The following REV1 variants were observed in gnomAD, a reference collection of about 807,000 sequenced individuals.
REV1 encodes translesion synthesis protein REV1.
A neutral mutation model predicts 137.4 loss-of-function variants in REV1; 42 were observed. The observed-to-expected ratio is 0.31, with a 90% CI of 0.24 to 0.40. The LOEUF is 0.40. Ranked by LOEUF, REV1 falls within the 10% of genes least tolerant of loss-of-function variation. REV1 has a pLI of 1.00. For missense variants in REV1, 1,282 were observed against 1,490.1 expected (o/e 0.86, Z 2.30); for synonymous variants, 524 against 519.2 (o/e 1.01, Z -0.12).
chr2:99,415,476 A>AG (rs887019782), intron 12 of REV1, among the ~76,000 whole-genome samples: 1 of 152,192 alleles, frequency 6.6e-6, no homozygotes, highest in Non-Finnish European at 1.5e-5. Context: ...GACATAGAGG[A>AG]GTAAACTTCA....
chr2:99,442,299 C>G lies in REV1; in HGVS notation c.503+18G>C, dbSNP rs1575115990. 17 of 1,545,380 alleles carry G rather than the reference C, an allele frequency of 1.1e-5. No individual in the cohort carries two copies. The highest frequency in any genetic ancestry group is 7.0e-5 in the African/African-American group (5 of 71,164). ...AAACCAACCAGCTTTGCAGTAATCC[C>G]CAACTAGACAAACTTACACCCTGTT... On this transcript the variant is annotated intron_variant, in intron 5 of 22. Transcript: ENST00000258428.
At chr2:99,406,964 C>CAGAAAT (rs1559285660) in intron 15 of REV1, 2 of 151,334 alleles carry the variant, frequency 1.3e-5, no homozygotes, top group African/African-American at 2.4e-5. Context: ...AACAGTATTT[C>CAGAAAT]AGGGAGAAAT....
chr2:99,440,264 C>T (rs915168512), intron 5 of REV1, among the ~76,000 whole-genome samples: 1 of 152,184 alleles, frequency 6.6e-6, no homozygotes, highest in Non-Finnish European at 1.5e-5. Context: ...AATTACAAAG[C>T]AGTAATTCAT....
intron 4 of REV1, among the ~76,000 whole-genome samples, chr2:99,443,848 CT>C (rs368655067): frequency 1.3e-3 from 188 of 147,422 alleles, no homozygotes; most frequent in African/African-American, 2.5e-3. Context: ...ACTTTTCTTC[CT>C]TTTTTTTTTT....
chr2:99,467,732 T>C (rs892290275), intron 1 of REV1, among the ~76,000 whole-genome samples: 4 of 152,228 alleles, frequency 2.6e-5, no homozygotes, highest in Admixed American at 6.5e-5. Flanking sequence ...ATTCATTATT[T>C]CAATCTCTGA....
intron 12 of REV1, among the ~76,000 whole-genome samples, chr2:99,415,091 G>A (rs1379394990): frequency 6.6e-6 from 1 of 152,280 alleles, no homozygotes; most frequent in East Asian, 1.9e-4. Flanking sequence ...GGCAGGGCAT[G>A]TGGTGTACCT....
At chr2:99,439,696 A>G (rs1160503344) in intron 5 of REV1, among the ~76,000 whole-genome samples, 1 of 152,238 alleles carries the variant, frequency 6.6e-6, no homozygotes, top group Non-Finnish European at 1.5e-5. Context: ...TAAAAAATTA[A>G]TTGGAATCTA....
chr2:99,449,268 A>T, intron 4 of REV1, 68 bp downstream of exon 4: 3 of 1,037,366 alleles, frequency 2.9e-6, no homozygotes, highest in African/African-American at 1.7e-5. Context: ...CTATCTCAAA[A>T]AAATAAATAA....
At chr2:99,458,339 G>C (rs1236183443) in intron 3 of REV1, among the ~76,000 whole-genome samples, 1 of 152,132 alleles carries the variant, frequency 6.6e-6, no homozygotes, top group African/African-American at 2.4e-5. Context: ...ACACATGAAA[G>C]AATGTTCAAC....
At chr2:99,403,160 G>T in intron 19 of REV1, 54 bp from the exon 20 acceptor site, 1 of 1,390,744 alleles carries the variant, frequency 7.2e-7, no homozygotes, top group Non-Finnish European at 9.7e-7. Flanking sequence ...GGATAGTCTG[G>T]ATGACAGTAT....
At chr2:99,439,371 T>C (rs1436131569) in intron 5 of REV1, 61 bp from the exon 6 acceptor site, 3 of 1,177,930 alleles carry the variant, frequency 2.5e-6, no homozygotes, top group Non-Finnish European at 2.4e-6. Flanking sequence ...AACAATTTTT[T>C]CATTTCATCA....
Position 99,434,314 on chromosome 2 carries a change from A to G in REV1, c.1438+18T>C, listed in dbSNP as rs773322311. 6.5e-7 allele frequency: 1 copy of G among 1,541,882 alleles called. No individual in the cohort carries two copies. The highest frequency in any genetic ancestry group is 8.8e-7 in the Non-Finnish European group (1 of 1,130,894). ...CATCCACAGGAGCACTAAGACTTCAAAGAGAGCTCATTTGTACCTGCTTTG... is the reference window on the plus strand; with the variant it reads ...CATCCACAGGAGCACTAAGACTTCAGAGAGAGCTCATTTGTACCTGCTTTG... On this transcript the variant is annotated intron_variant, in intron 8 of 22. Coordinates refer to ENST00000258428, the MANE Select transcript of REV1 (RefSeq NM_016316.4).
intron 4 of REV1, 72 bp from the exon 5 acceptor site, chr2:99,442,541 G>T: frequency 1.5e-6 from 2 of 1,374,928 alleles, no homozygotes; most frequent in South Asian, 1.2e-5. Flanking sequence ...AATATTCAAT[G>T]TCCTTAAAGA....
At chr2:99,413,652 C>A (rs1194315684) in intron 12 of REV1, among the ~76,000 whole-genome samples, 1 of 152,098 alleles carries the variant, frequency 6.6e-6, no homozygotes, top group East Asian at 1.9e-4. Flanking sequence ...AACGTTTGAG[C>A]CCCACCTAAA....
At chr2:99,465,063 GA>G in intron 1 of REV1, 78 bp from the exon 2 acceptor site, 1 of 1,188,998 alleles carries the variant, frequency 8.4e-7, no homozygotes, top group Non-Finnish European at 1.2e-6. Flanking sequence ...TCAATATCAA[GA>G]AAATGAGAAA....
chr2:99,487,811 C>T lies in REV1; in HGVS notation c.-11+2006G>A. On this transcript the variant is annotated intron_variant, in intron 1 of 22. Transcript: ENST00000258428. ...AGGTACCTGTCACCTCTTCTGATTACCTTTCCTCTCACGCTTTGTCTCTAG... is the reference window on the plus strand; with the variant it reads ...AGGTACCTGTCACCTCTTCTGATTATCTTTCCTCTCACGCTTTGTCTCTAG... Among the ~76,000 whole-genome samples the T allele has an allele frequency of 1.7e-5, 2 of 117,786 alleles. 1 individual carries two copies. Among genetic ancestry groups the T allele is most frequent in the Non-Finnish European group, 3.7e-5 (2 of 54,258 alleles). 77.3% of individuals were successfully genotyped at this position (117,786 alleles called of 152,430 possible).
intron 12 of REV1, among the ~76,000 whole-genome samples, chr2:99,415,472 G>T (rs1407400422): frequency 6.6e-6 from 1 of 152,172 alleles, no homozygotes; most frequent in Non-Finnish European, 1.5e-5. Context: ...TACAGACATA[G>T]AGGAGTAAAC....
intron 1 of REV1, among the ~76,000 whole-genome samples, chr2:99,479,974 G>C (rs1240054448): frequency 3.3e-5 from 5 of 152,010 alleles, no homozygotes; most frequent in Admixed American, 6.6e-5. Flanking sequence ...AGGTAGGTGG[G>C]AAGGGGTGAC....
intron 1 of REV1, among the ~76,000 whole-genome samples, chr2:99,470,370 G>A (rs868555163): frequency 1.3e-5 from 2 of 152,100 alleles, no homozygotes; most frequent in Admixed American, 6.5e-5. Context: ...TTTGTAAAAA[G>A]CAAAGTAGAG....
Sources: gnomAD v4.1 joint callset for allele counts (sites outside exome capture counted in the v4.1 genomes callset) on GRCh38, gnomAD v4.1.1 for gene constraint, MANE v1.5 for transcripts, NCBI Gene and HGNC (gene_info 2026-07-23, HGNC 2026-07-21) for gene names.